MTAP: variants seen among roughly 807,000 people sequenced by gnomAD.
The protein encoded by MTAP is S-methyl-5'-thioadenosine phosphorylase.
A neutral mutation model predicts 33.6 loss-of-function variants in MTAP; 33 were observed. That is an observed-to-expected ratio of 0.98 (90% CI 0.74 to 1.31). The LOEUF (loss-of-function observed/expected upper bound fraction) is 1.31. Among genes scored for constraint, MTAP ranks in the 40% most tolerant of loss-of-function variants. The pLI is 0.00. For synonymous variants in MTAP, 148 were observed against 125.7 expected (o/e 1.18, Z -1.19); for missense variants, 367 against 360.0 (o/e 1.02, Z -0.16).
chr9:21,926,812 G>A (rs1231642582), intron 1 of MTAP, among the ~76,000 whole-genome samples: 2 of 151,992 alleles, frequency 1.3e-5, no homozygotes, highest in East Asian at 3.9e-4. Context: ...CTAAGGCCAA[G>A]GCACATCGAT....
chr9:21,846,331 G>A (rs148704803), intron 5 of MTAP, among the ~76,000 whole-genome samples: 13 of 151,830 alleles, frequency 8.6e-5, no homozygotes, highest in Admixed American at 2.0e-4. Context: ...ATGACCACCC[G>A]CAGAAAGGGA....
chr9:21,920,615 T>G (rs1296834062), intron 1 of MTAP, among the ~76,000 whole-genome samples: 1 of 152,148 alleles, frequency 6.6e-6, no homozygotes, highest in African/African-American at 2.4e-5. Flanking sequence ...GGGAAACAAT[T>G]CTCTATGGAT....
rs77490681 is a variant in MTAP at position 21,810,861 on chromosome 9, G to C, written c.34-4572G>C. On this transcript the variant is annotated intron_variant, in intron 1 of 7. Coordinates refer to ENST00000644715, the MANE Select transcript of MTAP (RefSeq NM_002451.4). ...TGTCTTGTCAGAGATGGAGACCCCA[G>C]CTATCCCTGTGGACCCTATTGCAGG... 8.6e-3 allele frequency among the ~76,000 whole-genome samples: 1,313 copies of C among 152,286 alleles called. 43 individuals carry two copies. The East Asian group carries it at 0.12, about 14-fold the overall frequency.
At position 21,860,296 on chromosome 9, in the gene MTAP, C is replaced by G. The variant is rs1030691535; in HGVS notation, c.813+871C>G. 2.6e-5 allele frequency: 4 copies of G among 152,292 alleles called. No homozygotes were observed. In the South Asian group the frequency reaches 8.3e-4, roughly 32 times the overall value. The allele number at this position is 152,292 out of a possible 1,614,324, so 9.4% of individuals were successfully genotyped here. A position where few individuals can be genotyped will look rare whatever the true frequency, so the allele number is the denominator to read the frequency against. On this transcript the variant is annotated intron_variant, in intron 7 of 7. Coordinates refer to ENST00000644715, the MANE Select transcript of MTAP (RefSeq NM_002451.4). ...TGCTAATTTACGTGGTACAAGTGCT[C>G]CAGTACGGCCAGTTTCACACTACTA...
rs142060987 is a variant in MTAP, at chr9:21,863,848, C to A, written c.*1834C>A. ...CTGCTAATTGTAAACAAAACAGTTA[C>A]CCTCCAGTATTAATATGACTCATTA... On this transcript the variant is annotated 3_prime_UTR_variant, in exon 8 of 8. Coordinates refer to ENST00000644715, the MANE Select transcript of MTAP (RefSeq NM_002451.4). 70 of 985,714 alleles carry A rather than the reference C, an allele frequency of 7.1e-5. No individual in the cohort carries two copies. The highest frequency in any genetic ancestry group is 1.2e-4 in the Admixed American group (2 of 16,268). 61.1% of individuals were successfully genotyped at this position (985,714 alleles called of 1,614,324 possible). A position where few individuals can be genotyped will look rare whatever the true frequency, so the allele number is the denominator to read the frequency against.
chr9:21,827,876 G>C (rs765847059), intron 4 of MTAP, among the ~76,000 whole-genome samples: 1 of 152,226 alleles, frequency 6.6e-6, no homozygotes, highest in Non-Finnish European at 1.5e-5. Context: ...TTGCTAAATA[G>C]AGTGGAATAC....
At position 21,864,231 on chromosome 9, in the gene MTAP, C is replaced by G. The variant is rs1287544387; in HGVS notation, c.*2217C>G. The G allele has an allele frequency of 1.0e-6, 1 of 985,294 alleles. No individual in the cohort carries two copies. The highest frequency in any genetic ancestry group is 1.2e-6 in the Non-Finnish European group (1 of 829,928). 61.0% of individuals were successfully genotyped at this position (985,294 alleles called of 1,614,324 possible). On this transcript the variant is annotated 3_prime_UTR_variant, in exon 8 of 8. Transcript: ENST00000644715. ...CTAAATGAATGCAGTATACTCTTTT[C>G]TTTGTTCTCAATCATTCACTCCTTA...
intron 1 of MTAP, among the ~76,000 whole-genome samples, chr9:21,886,835 C>T (rs1818119106): frequency 6.6e-6 from 1 of 152,166 alleles, no homozygotes; most frequent in South Asian, 2.1e-4. Flanking sequence ...GTTTTGGTCA[C>T]CATAGCCTTA....
At chr9:21,940,900 C>A, downstream of MTAP, 3 of 518,542 alleles carry the variant, frequency 5.8e-6, no homozygotes, top group Non-Finnish European at 7.4e-6. Context: ...ATCTTTACTG[C>A]CTTTCTTCCC....
rs148774934 is a variant in MTAP at position 21,887,211 on chromosome 9, T to G, written c.147+32341T>G. On this transcript the variant is annotated intron_variant, in intron 1 of 1. Transcript: ENST00000577563. ...GTGCCATGTTGGTGTGCTGCACCCA[T>G]TAACTCATCATTTAACATTAGGTAT... Among the ~76,000 whole-genome samples, 1,422 of 152,270 alleles carry G rather than the reference T, an allele frequency of 9.3e-3. 23 individuals carry two copies. The highest frequency in any genetic ancestry group is 0.031 in the African/African-American group (1,284 of 41,564).
At chr9:21,876,767 G>A (rs951450901) in intron 1 of MTAP, among the ~76,000 whole-genome samples, 1 of 152,036 alleles carries the variant, frequency 6.6e-6, no homozygotes, top group Non-Finnish European at 1.5e-5. Context: ...GGTTACTGCA[G>A]TTTGGATTAT....
intron 5 of MTAP, among the ~76,000 whole-genome samples, chr9:21,847,554 A>G (rs1047216550): frequency 6.6e-6 from 1 of 152,218 alleles, no homozygotes; most frequent in Non-Finnish European, 1.5e-5. Flanking sequence ...GTGAGAGGCA[A>G]GGACTCTACA....
chr9:21,870,769 A>AT (rs1332200300), downstream of MTAP, among the ~76,000 whole-genome samples: 6 of 146,772 alleles, frequency 4.1e-5, no homozygotes, highest in East Asian at 2.0e-4. Context: ...CAGAGGTTAA[A>AT]TTTTTTTTTC....
chr9:21,882,864 A>G (rs1818037333), intron 1 of MTAP, among the ~76,000 whole-genome samples: 1 of 152,036 alleles, frequency 6.6e-6, no homozygotes, highest in Non-Finnish European at 1.5e-5. Flanking sequence ...TAAATAATTC[A>G]TATATCAAAG....
intron 4 of MTAP, among the ~76,000 whole-genome samples, chr9:21,835,425 C>G (rs577465954): frequency 6.6e-6 from 1 of 152,212 alleles, no homozygotes; most frequent in African/African-American, 2.4e-5. Context: ...GTGTTTTCTC[C>G]ATGTCACTCA....
At chr9:21,887,794 A>G (rs1390183069) in intron 1 of MTAP, among the ~76,000 whole-genome samples, 2 of 152,068 alleles carry the variant, frequency 1.3e-5, no homozygotes, top group Non-Finnish European at 2.9e-5. Flanking sequence ...TGTGTCATCT[A>G]TGATTTCTTT....
At chr9:21,824,486 G>C (rs1487348657) in intron 4 of MTAP, among the ~76,000 whole-genome samples, 1 of 152,142 alleles carries the variant, frequency 6.6e-6, no homozygotes, top group Non-Finnish European at 1.5e-5. Flanking sequence ...GGGGTACCCA[G>C]CCGTGTGAGG....
At chr9:21,834,726 A>G (rs995018083) in intron 4 of MTAP, among the ~76,000 whole-genome samples, 8 of 152,320 alleles carry the variant, frequency 5.3e-5, no homozygotes, top group Admixed American at 2.6e-4. Context: ...TAACCTTTCT[A>G]TTTTAAAGTC....
chr9:21,919,958 A>T (rs1316248879), intron 1 of MTAP, among the ~76,000 whole-genome samples: 1 of 152,214 alleles, frequency 6.6e-6, no homozygotes, highest in Non-Finnish European at 1.5e-5. Flanking sequence ...AATAAAATAT[A>T]AAAATTCTTC....
Sources: allele counts gnomAD v4.1 joint callset (sites outside exome capture counted in the v4.1 genomes callset), GRCh38; gene constraint gnomAD v4.1.1; transcripts MANE v1.5; gene names NCBI Gene and HGNC (gene_info 2026-07-23, HGNC 2026-07-21).